The following AMZ1 variants were observed in gnomAD, a reference collection of about 807,000 sequenced individuals.
AMZ1 encodes the protein archaemetzincin-1.
AMZ1 carries 39 observed loss-of-function variants against 29.9 expected under a neutral mutation model. The observed-to-expected ratio is 1.30, with a 90% CI of 1.01 to 1.70. The LOEUF is 1.70. AMZ1 is among the 40% of genes most tolerant of loss of function. AMZ1 has a pLI of 0.00. For synonymous variants in AMZ1, 458 were observed against 304.0 expected (o/e 1.51, Z -5.27); for missense variants, 1,041 against 680.6 (o/e 1.53, Z -5.89).
intron 4 of AMZ1, among the ~76,000 whole-genome samples, chr7:2,735,628 ACACT>A (rs764575605): frequency 6.6e-6 from 1 of 152,202 alleles, no homozygotes; most frequent in African/African-American, 2.4e-5. Context: ...AACACAGCAA[ACACT>A]CACTGCTGCT....
intron 4 of AMZ1, among the ~76,000 whole-genome samples, chr7:2,747,576 C>A (rs1468274414): frequency 6.6e-6 from 1 of 152,126 alleles, no homozygotes; most frequent in East Asian, 1.9e-4. Flanking sequence ...ACTGAATGGG[C>A]AAAAACTGGA....
intron 1 of AMZ1, among the ~76,000 whole-genome samples, chr7:2,692,288 C>G (rs1398174036): frequency 6.6e-6 from 1 of 152,140 alleles, no homozygotes; most frequent in Non-Finnish European, 1.5e-5. Context: ...CGCCTGTAAT[C>G]CCAACACTCT....
rs748490740 is a variant in AMZ1 at position 2,712,494 on chromosome 7, T to G, written c.1113T>G (p.Asp371Glu). Residue 371 changes from aspartate to glutamate, a missense_variant, in exon 7 of 7, where the codon GAT becomes GAG. Physicochemically the swap from Asp to Glu is conservative, Grantham distance 45 (BLOSUM62 2). Coordinates refer to ENST00000683327, the MANE Select transcript of AMZ1 (RefSeq NM_001384743.1). The stretch of plus-strand genomic sequence containing the variant: ...GTGTGTCGGAGCCCCTCACCCCTGA[T>G]GCCGGGAGTCACACCTTCGCCTCGG... ...GTSVSEPLTP[D>E]AGSHTFASGP... The G allele has an allele frequency of 1.2e-6, 2 of 1,609,856 alleles. No individual in the cohort carries two copies. Among genetic ancestry groups the G allele is most frequent in the Admixed American group, 1.7e-5 (1 of 59,802 alleles).
At chr7:2,737,855 G>A (rs191176534) in intron 4 of AMZ1, among the ~76,000 whole-genome samples, 1 of 152,162 alleles carries the variant, frequency 6.6e-6, no homozygotes, top group Non-Finnish European at 1.5e-5. Flanking sequence ...CCACTGAATA[G>A]AGACGCTAGC....
rs138275311 is a variant in AMZ1 at position 2,717,355 on chromosome 7, G to A, written c.*4477G>A. Among the ~76,000 whole-genome samples the A allele has an allele frequency of 1.8e-3, 274 of 152,358 alleles. 3 individuals carry two copies. Among genetic ancestry groups the A allele is most frequent in the African/African-American group, 6.1e-3 (253 of 41,586 alleles). On this transcript the variant is annotated 3_prime_UTR_variant, in exon 7 of 7. Transcript: ENST00000683327. ...GCCTGCCTGTGTGCTGGAAGCAAACGACGGCCCGTCCTCTAAGCTGGCTTT... is the reference window on the plus strand; with the variant it reads ...GCCTGCCTGTGTGCTGGAAGCAAACAACGGCCCGTCCTCTAAGCTGGCTTT...
chr7:2,745,301 T>C (rs559462805), intron 4 of AMZ1, among the ~76,000 whole-genome samples: 1 of 152,232 alleles, frequency 6.6e-6, no homozygotes, highest in African/African-American at 2.4e-5. Context: ...GGGAAGCCCA[T>C]CAGACTAACA....
At chr7:2,755,701 TC>T (rs771092126) in intron 4 of AMZ1, among the ~76,000 whole-genome samples, 66 of 152,356 alleles carry the variant, frequency 4.3e-4, no homozygotes, top group Non-Finnish European at 7.5e-4. Context: ...TATTTCTTTT[TC>T]TCTGATATGT....
chr7:2,751,168 G>A (rs971480633), intron 4 of AMZ1, among the ~76,000 whole-genome samples: 2 of 152,078 alleles, frequency 1.3e-5, no homozygotes, highest in Non-Finnish European at 2.9e-5. Flanking sequence ...CAGGTGGACT[G>A]GTTGAGGTCA....
rs530527241 is a variant in AMZ1 at position 2,694,734 on chromosome 7, G to A, written c.-218-5500G>A. On this transcript the variant is annotated intron_variant, in intron 1 of 6. Coordinates refer to ENST00000683327, the MANE Select transcript of AMZ1 (RefSeq NM_001384743.1). ...GTCACTCAGGCTGGAGTGCAGTGGC[G>A]CGATCTCAGCTCACTGCAACCTCTG... Among the ~76,000 whole-genome samples the A allele has an allele frequency of 8.6e-5, 13 of 151,264 alleles. 1 individual carries two copies. Among genetic ancestry groups the A allele is most frequent in the East Asian group, 1.9e-4 (1 of 5,138 alleles).
upstream of AMZ1, among the ~76,000 whole-genome samples, chr7:2,683,681 G>A (rs1049244280): frequency 3.3e-5 from 5 of 152,140 alleles, no homozygotes; most frequent in Middle Eastern, 3.4e-3. Context: ...CTCGTGATCC[G>A]CCTGCCTTGG....
At position 2,714,536 on chromosome 7, in the gene AMZ1, C is replaced by G. The variant is rs1049653339; in HGVS notation, c.*1658C>G. The G allele has an allele frequency of 6.6e-6, 1 of 151,974 alleles. No homozygotes were observed. Among genetic ancestry groups the G allele is most frequent in the African/African-American group, 2.4e-5 (1 of 41,322 alleles). 9.4% of individuals were successfully genotyped at this position (151,974 alleles called of 1,614,324 possible). A position where few individuals can be genotyped will look rare whatever the true frequency, so the allele number is the denominator to read the frequency against. On this transcript the variant is annotated 3_prime_UTR_variant, in exon 7 of 7. Transcript: ENST00000683327. ...AGAGCTAGGCCTTTCAGAAAGTGAC[C>G]AATGGAAGGTGCCGGCAGAGCACCC...
At chr7:2,712,274 C>T (rs1788829554) in intron 6 of AMZ1, 56 bp from the exon 7 acceptor site, 1 of 1,489,634 alleles carries the variant, frequency 6.7e-7, no homozygotes, top group Admixed American at 2.4e-5. Flanking sequence ...CTGGCAGTTC[C>T]CTGGCTAGAC....
intron 4 of AMZ1, among the ~76,000 whole-genome samples, chr7:2,738,541 G>A (rs896163487): frequency 1.3e-5 from 2 of 152,024 alleles, no homozygotes; most frequent in East Asian, 1.9e-4. Context: ...AATGGCGGGA[G>A]ACTAAAACCC....
chr7:2,756,287 A>T (rs1004578093), intron 4 of AMZ1, among the ~76,000 whole-genome samples: 1 of 152,212 alleles, frequency 6.6e-6, no homozygotes, highest in Non-Finnish European at 1.5e-5. Flanking sequence ...TCAGAAAATC[A>T]AAAAAGGACA....
At chr7:2,753,041 G>C (rs972684900) in intron 4 of AMZ1, among the ~76,000 whole-genome samples, 2 of 152,016 alleles carry the variant, frequency 1.3e-5, no homozygotes, top group African/African-American at 4.8e-5. Context: ...TAATCCCTTG[G>C]TAACCACGAA....
chr7:2,749,289 A>C (rs1313315356), intron 4 of AMZ1, among the ~76,000 whole-genome samples: 2 of 152,230 alleles, frequency 1.3e-5, no homozygotes, highest in African/African-American at 4.8e-5. Context: ...AGACTGGATT[A>C]AGAAAATGTG....
rs566199863 is a variant in AMZ1, at chr7:2,704,742, G to A, written c.472+1853G>A. On this transcript the variant is annotated intron_variant, in intron 3 of 6. Coordinates refer to ENST00000683327, the MANE Select transcript of AMZ1 (RefSeq NM_001384743.1). ...CTCCCGAGTAGCTGGGCCTACAGGC[G>A]CCCAGTACTGTGCCTGGCTATTTTT... 9.9e-5 allele frequency among the ~76,000 whole-genome samples: 15 copies of A among 151,908 alleles called. No homozygotes were observed. In the South Asian group the frequency reaches 1.0e-3, roughly 11 times the overall value.
chr7:2,749,498 CCG>C (rs1000922451), intron 4 of AMZ1, among the ~76,000 whole-genome samples: 1 of 141,312 alleles, frequency 7.1e-6, no homozygotes, highest in Admixed American at 7.4e-5. Context: ...ACATCACACA[CCG>C]GGGACTATTG....
intron 4 of AMZ1, among the ~76,000 whole-genome samples, chr7:2,740,135 T>TA (rs1358079174): frequency 2.0e-5 from 3 of 152,226 alleles, no homozygotes; most frequent in Admixed American, 6.5e-5. Flanking sequence ...GTGGCCATCC[T>TA]ACTAGCTGTG....
Sources: allele counts gnomAD v4.1 joint callset (sites outside exome capture counted in the v4.1 genomes callset), GRCh38; gene constraint gnomAD v4.1.1; transcripts MANE v1.5; gene names NCBI Gene and HGNC (gene_info 2026-07-23, HGNC 2026-07-21).